Variants in TMPRSS12 observed in about 807,000 individuals in gnomAD.
The protein encoded by TMPRSS12 is transmembrane serine protease 12.
TMPRSS12 carries 25 observed loss-of-function variants against 26.0 expected under a neutral mutation model. The ratio of observed to expected loss-of-function variants is 0.96; its 90% confidence interval spans 0.70 to 1.34. The LOEUF (loss-of-function observed/expected upper bound fraction) is 1.34, where lower values mean the gene tolerates loss of function less well. Ranked by LOEUF, TMPRSS12 falls within the 40% of genes most tolerant of loss-of-function variation. The pLI is 0.00. For missense variants in TMPRSS12, 441 were observed against 440.1 expected (o/e 1.00, Z -0.02); for synonymous variants, 150 against 161.7 (o/e 0.93, Z 0.55).
rs1422006956 is a variant in TMPRSS12 at position 50,887,278 on chromosome 12, C to A, written c.812C>A (p.Pro271Gln). ...FDTCRGDSGG[P>Q]LMCYLPEYKR... is the part of the protein sequence containing the mutation. ...TTTTGACAGGGTGACAGTGGGGGAC[C>A]ATTAATGTGCTACTTACCAGAATAT... is the stretch of plus-strand genomic sequence containing the variant. The change falls in exon 5 of 5, where the codon CCA becomes CAA. Residue 271 changes from proline to glutamine, a missense_variant. Coordinates refer to ENST00000398458, the MANE Select transcript of TMPRSS12 (RefSeq NM_182559.3). The A allele has an allele frequency of 1.4e-5, 22 of 1,613,554 alleles. No individual in the cohort carries two copies. Among genetic ancestry groups the A allele is most frequent in the Middle Eastern group, 1.6e-4 (1 of 6,062 alleles).
chr12:50,865,974 C>A (rs1241722523), intron 3 of TMPRSS12, among the ~76,000 whole-genome samples: 1 of 152,116 alleles, frequency 6.6e-6, no homozygotes, highest in Non-Finnish European at 1.5e-5. Context: ...AACTAGATTG[C>A]AGCTCCAACA....
At chr12:50,858,691 T>C (rs1230119719) in intron 2 of TMPRSS12, 94 bp from the exon 3 acceptor site, 7 of 999,588 alleles carry the variant, frequency 7.0e-6, no homozygotes, top group Non-Finnish European at 9.5e-6. Flanking sequence ...AAGTTTTTTA[T>C]TAATCTAACA....
At position 50,885,239 on chromosome 12, in the gene TMPRSS12, T is replaced by G. The variant is rs556211153; in HGVS notation, c.653-7T>G. Reference sequence around the variant, plus strand: ...CAAGATAACTTACTGGTATTTTTTGTTAACAGGTAACGCTACAAATATTTT... The same window carrying G: ...CAAGATAACTTACTGGTATTTTTTGGTAACAGGTAACGCTACAAATATTTT... On this transcript the variant is annotated splice_polypyrimidine_tract_variant and splice_region_variant and intron_variant, in intron 3 of 4. Coordinates refer to ENST00000398458, the MANE Select transcript of TMPRSS12 (RefSeq NM_182559.3). 22 of 1,571,586 alleles carry G rather than the reference T, an allele frequency of 1.4e-5. No homozygotes were observed. In the African/African-American group the frequency reaches 2.9e-4, roughly 21 times the overall value.
chr12:50,846,702 C>G (rs1937771259), intron 2 of TMPRSS12, among the ~76,000 whole-genome samples: 1 of 152,080 alleles, frequency 6.6e-6, no homozygotes. Context: ...CCTCAGCCTC[C>G]TGAATAGCTG....
chr12:50,864,302 T>C (rs984776365), intron 3 of TMPRSS12, among the ~76,000 whole-genome samples: 8 of 152,160 alleles, frequency 5.3e-5, no homozygotes, highest in African/African-American at 1.7e-4. Flanking sequence ...TCAAAGAATA[T>C]AACCAGATAA....
intron 3 of TMPRSS12, among the ~76,000 whole-genome samples, chr12:50,861,146 T>C (rs1242377010): frequency 1.3e-5 from 2 of 152,180 alleles, no homozygotes; most frequent in East Asian, 3.8e-4. Flanking sequence ...ATTGAGAATC[T>C]TAGAGGTTAA....
intron 2 of TMPRSS12, among the ~76,000 whole-genome samples, chr12:50,849,797 A>T (rs2579072): frequency 0.89 from 135,302 of 152,068 alleles, 60,635 homozygotes; most frequent in East Asian, 0.98. Context: ...TTATTCTTAA[A>T]GTACAGTTCT....
chr12:50,883,861 G>C (rs1225576107), intron 3 of TMPRSS12, among the ~76,000 whole-genome samples: 2 of 152,066 alleles, frequency 1.3e-5, no homozygotes, highest in Non-Finnish European at 2.9e-5. Flanking sequence ...AATTAGCTGG[G>C]CATGATGGCA....
At chr12:50,880,208 G>A (rs1430465842) in intron 3 of TMPRSS12, among the ~76,000 whole-genome samples, 1 of 151,888 alleles carries the variant, frequency 6.6e-6, no homozygotes, top group Non-Finnish European at 1.5e-5. Flanking sequence ...ACCAGCCTGA[G>A]CAACAAAGCA....
intron 3 of TMPRSS12, among the ~76,000 whole-genome samples, chr12:50,872,916 T>C (rs906944791): frequency 3.7e-5 from 3 of 80,692 alleles, no homozygotes; most frequent in African/African-American, 1.3e-4. Context: ...TGACTATATA[T>C]GTACATATAT....
chr12:50,887,679 G>T lies in TMPRSS12; in HGVS notation c.*166G>T. On this transcript the variant is annotated 3_prime_UTR_variant, in exon 5 of 5. Coordinates refer to ENST00000398458, the MANE Select transcript of TMPRSS12 (RefSeq NM_182559.3). Reference sequence around the variant, plus strand: ...GTGACAGATATACAATTGTAATTTTGGCACTGAATCACATGTCTCCTTGAA... The same window carrying T: ...GTGACAGATATACAATTGTAATTTTTGCACTGAATCACATGTCTCCTTGAA... 2.6e-6 allele frequency: 2 copies of T among 780,582 alleles called. No individual in the cohort carries two copies. Among genetic ancestry groups the T allele is most frequent in the Non-Finnish European group, 1.9e-6 (1 of 517,746 alleles). 48.4% of individuals were successfully genotyped at this position (780,582 alleles called of 1,614,324 possible). A position where few individuals can be genotyped will look rare whatever the true frequency, so the allele number is the denominator to read the frequency against.
At chr12:50,853,837 A>C (rs568558053) in intron 2 of TMPRSS12, among the ~76,000 whole-genome samples, 1 of 152,280 alleles carries the variant, frequency 6.6e-6, no homozygotes, top group African/African-American at 2.4e-5. Flanking sequence ...CAGTAATAAA[A>C]AAAGTACTAA....
chr12:50,874,742 A>C (rs1174772549), intron 3 of TMPRSS12, among the ~76,000 whole-genome samples: 1 of 152,182 alleles, frequency 6.6e-6, no homozygotes, highest in Non-Finnish European at 1.5e-5. Context: ...AATGTACAAA[A>C]ATCAGTAGCA....
At chr12:50,847,238 T>C (rs1937778956) in intron 2 of TMPRSS12, among the ~76,000 whole-genome samples, 1 of 151,956 alleles carries the variant, frequency 6.6e-6, no homozygotes, top group Non-Finnish European at 1.5e-5. Flanking sequence ...TTTGTATTTT[T>C]AGTAGAGACG....
At chr12:50,872,771 G>GTC (rs1565935923) in intron 3 of TMPRSS12, among the ~76,000 whole-genome samples, 37 of 55,734 alleles carry the variant, frequency 6.6e-4, no homozygotes, top group Non-Finnish European at 1.1e-3. Context: ...TATATATGAC[G>GTC]TATATATGTA....
At chr12:50,878,919 C>A (rs925443641) in intron 3 of TMPRSS12, among the ~76,000 whole-genome samples, 2 of 152,116 alleles carry the variant, frequency 1.3e-5, no homozygotes, top group Non-Finnish European at 2.9e-5. Flanking sequence ...GAGATTAGTG[C>A]CCTTATATGA....
rs966042624 is a variant in TMPRSS12, at chr12:50,870,737, A to G, written c.652+11684A>G. On this transcript the variant is annotated intron_variant, in intron 3 of 4. Transcript: ENST00000398458. ...CCTCCAGAAAGCTCCTAGAACTGAT[A>G]AAAGAATTCAGCAAAGTTTCCAGAT... 3.9e-5 allele frequency among the ~76,000 whole-genome samples: 6 copies of G among 152,124 alleles called. 1 individual carries two copies. Among genetic ancestry groups the G allele is most frequent in the Non-Finnish European group, 8.8e-5 (6 of 68,026 alleles).
At chr12:50,859,425 A>G (rs927811706) in intron 3 of TMPRSS12, among the ~76,000 whole-genome samples, 3 of 152,102 alleles carry the variant, frequency 2.0e-5, no homozygotes, top group Non-Finnish European at 4.4e-5. Flanking sequence ...CATGTTGGTC[A>G]GGCTGGTCTT....
chr12:50,878,465 C>T (rs1169563241), intron 3 of TMPRSS12, among the ~76,000 whole-genome samples: 4 of 152,084 alleles, frequency 2.6e-5, no homozygotes, highest in South Asian at 2.1e-4. Context: ...ATAGTCCCAG[C>T]TACTTGGAAG....
Sources: gnomAD v4.1 joint callset for allele counts (sites outside exome capture counted in the v4.1 genomes callset) on GRCh38, gnomAD v4.1.1 for gene constraint, MANE v1.5 for transcripts, NCBI Gene and HGNC (gene_info 2026-07-23, HGNC 2026-07-21) for gene names.